Variants in TAF3 observed in about 807,000 individuals in gnomAD.
The protein encoded by TAF3 is TATA-box binding protein associated factor 3, also known as transcription initiation factor TFIID subunit 3.
TAF3 carries 7 observed loss-of-function variants against 80.6 expected under a neutral mutation model. The observed-to-expected ratio is 0.09, with a 90% CI of 0.05 to 0.16. TAF3 has a LOEUF of 0.16. Among genes scored for constraint, TAF3 ranks in the 10% least tolerant of loss-of-function variants. TAF3 has a pLI of 1.00. For synonymous variants in TAF3, 444 were observed against 446.1 expected (o/e 1.00, Z 0.06); for missense variants, 921 against 1,140.2 (o/e 0.81, Z 2.77).
At chr10:7,920,071 C>T (rs1295919710) in intron 2 of TAF3, among the ~76,000 whole-genome samples, 2 of 151,760 alleles carry the variant, frequency 1.3e-5, no homozygotes, top group African/African-American at 2.4e-5. Context: ...CGTAGGGAGA[C>T]CCATTCTACA....
At chr10:7,897,677 T>C (rs1316576327) in intron 2 of TAF3, among the ~76,000 whole-genome samples, 3 of 135,008 alleles carry the variant, frequency 2.2e-5, no homozygotes, top group Non-Finnish European at 4.8e-5. Context: ...TCTTTCTTTC[T>C]TTTTTTTTTT....
chr10:7,981,223 C>A (rs1299891664), intron 4 of TAF3, among the ~76,000 whole-genome samples: 1 of 152,216 alleles, frequency 6.6e-6, no homozygotes, highest in East Asian at 1.9e-4. Flanking sequence ...TCTTTTGCTG[C>A]TGTCTTCTCC....
chr10:7,856,390 G>T (rs573149011), intron 2 of TAF3, among the ~76,000 whole-genome samples: 1 of 152,296 alleles, frequency 6.6e-6, no homozygotes, highest in Non-Finnish European at 1.5e-5. Flanking sequence ...CGAGGCAGGA[G>T]AATCGCTTGA....
At chr10:8,014,573 A>G (rs1007930019) in intron 6 of TAF3, 64 bp from the exon 7 acceptor site, 2 of 1,402,640 alleles carry the variant, frequency 1.4e-6, no homozygotes, top group East Asian at 2.4e-5. Flanking sequence ...ACTTTAAAAC[A>G]TGGAAGGGAG....
intron 2 of TAF3, among the ~76,000 whole-genome samples, chr10:7,942,603 T>G (rs754207147): frequency 2.6e-5 from 4 of 152,180 alleles, no homozygotes; most frequent in Non-Finnish European, 4.4e-5. Flanking sequence ...CCTAGGACAT[T>G]GCTGACTGAG....
rs1832107346 is a variant in TAF3, at chr10:8,016,612, A to G, written c.*1861A>G. The G allele has an allele frequency of 6.6e-6, 1 of 152,140 alleles. No homozygotes were observed. The highest frequency in any genetic ancestry group is 6.5e-5 in the Admixed American group (1 of 15,270). 9.4% of individuals were successfully genotyped at this position (152,140 alleles called of 1,614,324 possible). The stretch of plus-strand genomic sequence containing the variant: ...GAGGGGTGGGGGAAGTGCAAAATAA[A>G]GATTATTGGCTATTTCATAGTTTGC... On this transcript the variant is annotated 3_prime_UTR_variant, in exon 7 of 7. Transcript: ENST00000344293.
At chr10:7,866,978 G>A (rs1262251270) in intron 2 of TAF3, among the ~76,000 whole-genome samples, 1 of 152,124 alleles carries the variant, frequency 6.6e-6, no homozygotes, top group Non-Finnish European at 1.5e-5. Context: ...TATGATTTCG[G>A]CTGGGCGTGG....
At chr10:7,955,511 A>G (rs1447136569) in intron 2 of TAF3, among the ~76,000 whole-genome samples, 1 of 152,238 alleles carries the variant, frequency 6.6e-6, no homozygotes, top group Non-Finnish European at 1.5e-5. Context: ...GCTTAGTTGG[A>G]GAACATGCCA....
At chr10:7,968,349 T>A (rs1328432061) in intron 3 of TAF3, among the ~76,000 whole-genome samples, 2 of 152,172 alleles carry the variant, frequency 1.3e-5, no homozygotes, top group African/African-American at 2.4e-5. Context: ...AATTTTTCAA[T>A]CTCCACATTT....
At chr10:7,821,374 A>G (rs1836688983) in intron 1 of TAF3, among the ~76,000 whole-genome samples, 1 of 152,220 alleles carries the variant, frequency 6.6e-6, no homozygotes, top group Non-Finnish European at 1.5e-5. Flanking sequence ...TTGTTTTAAC[A>G]AACACTTACT....
intron 2 of TAF3, among the ~76,000 whole-genome samples, chr10:7,931,590 G>C (rs1181974139): frequency 6.6e-6 from 1 of 152,018 alleles, no homozygotes; most frequent in Non-Finnish European, 1.5e-5. Flanking sequence ...TTTCATGAAG[G>C]TTCTAAAAGC....
chr10:7,967,054 A>G (rs377206269), intron 3 of TAF3, among the ~76,000 whole-genome samples: 1 of 152,238 alleles, frequency 6.6e-6, no homozygotes, highest in Admixed American at 6.5e-5. Flanking sequence ...CACCTGTGAC[A>G]TAGGTCCAGC....
At chr10:7,966,420 A>G (rs564263175) in intron 3 of TAF3, among the ~76,000 whole-genome samples, 1 of 152,298 alleles carries the variant, frequency 6.6e-6, no homozygotes, top group South Asian at 2.1e-4. Flanking sequence ...ATTTCATAGC[A>G]TACAGCCCGA....
intron 2 of TAF3, among the ~76,000 whole-genome samples, chr10:7,840,602 G>C (rs1294711653): frequency 6.6e-6 from 1 of 151,496 alleles, no homozygotes; most frequent in Admixed American, 6.6e-5. Context: ...CTGTGCTTAC[G>C]GTTTTTGGAA....
intron 2 of TAF3, among the ~76,000 whole-genome samples, chr10:7,856,743 A>G (rs1392473642): frequency 6.6e-6 from 1 of 152,008 alleles, no homozygotes; most frequent in African/African-American, 2.4e-5. Context: ...ACATTTTGTT[A>G]TACCAAGTAG....
rs552395070 is a variant in TAF3, at chr10:7,887,936, G to A, written c.409+63376G>A. Among the ~76,000 whole-genome samples the A allele has an allele frequency of 2.0e-5, 3 of 152,224 alleles. No homozygotes were observed. In the East Asian group the frequency reaches 5.8e-4, roughly 29 times the overall value. The stretch of plus-strand genomic sequence containing the variant: ...CCACAGACCAGCAATATCAGAATAA[G>A]TCGAGGAACTTTTTTAATGGAACTT... On this transcript the variant is annotated intron_variant, in intron 2 of 6. Coordinates refer to ENST00000344293, the MANE Select transcript of TAF3 (RefSeq NM_031923.4).
intron 2 of TAF3, among the ~76,000 whole-genome samples, chr10:7,914,055 T>C (rs1564362347): frequency 1.3e-5 from 2 of 152,330 alleles, no homozygotes; most frequent in East Asian, 3.9e-4. Context: ...CTCTTTTAGA[T>C]ACCGATTCAA....
chr10:7,901,360 C>G (rs939667561), intron 2 of TAF3, among the ~76,000 whole-genome samples: 3 of 152,196 alleles, frequency 2.0e-5, no homozygotes, highest in Non-Finnish European at 2.9e-5. Context: ...ATGTTGGTCA[C>G]TCTTTAAAAT....
intron 2 of TAF3, among the ~76,000 whole-genome samples, chr10:7,937,082 C>T (rs1837928684): frequency 6.6e-6 from 1 of 152,148 alleles, no homozygotes; most frequent in Admixed American, 6.5e-5. Context: ...TATTCATTCA[C>T]CAAATGAGCG....
Sources: gnomAD v4.1 joint callset for allele counts (sites outside exome capture counted in the v4.1 genomes callset) on GRCh38, gnomAD v4.1.1 for gene constraint, MANE v1.5 for transcripts, NCBI Gene and HGNC (gene_info 2026-07-23, HGNC 2026-07-21) for gene names.